HMX1: variants seen among roughly 807,000 people sequenced by gnomAD.
HMX1 encodes H6 family homeobox 1, also known as homeobox protein HMX1.
Under a neutral mutation model 8.9 loss-of-function variants are expected in HMX1, and 8 were observed. The ratio of observed to expected loss-of-function variants is 0.90; its 90% confidence interval spans 0.53 to 1.63. The LOEUF is 1.63. HMX1 is among the 40% of genes most tolerant of loss of function. The pLI, the probability that HMX1 is intolerant of heterozygous loss-of-function variation, is 0.00. For missense variants in HMX1, 621 were observed against 558.5 expected, an observed-to-expected ratio of 1.11 and a Z score of -1.13; for synonymous variants, 311 against 283.4, an observed-to-expected ratio of 1.10 and a Z score of -0.98.
chr4:8,850,554 G>C (rs1000308784), intron 1 of HMX1, among the ~76,000 whole-genome samples: 2 of 152,118 alleles, frequency 1.3e-5, no homozygotes, highest in Non-Finnish European at 2.9e-5. Flanking sequence ...TGGACTCCAG[G>C]CCTCTCAGGC....
rs1721298582 is a variant in HMX1, at chr4:8,847,067, C to T, written c.395-743G>A. ...AAAGTGCCAGGCCCAGGGCTGCTGA[C>T]ACAGTGGCAAAGTGGGAATTCCCTG... is the stretch of plus-strand genomic sequence containing the variant. On this transcript the variant is annotated intron_variant, in intron 1 of 1. Coordinates refer to the HMX1 transcript ENST00000506970. The surrounding 1 kb of genome is among the most constrained non-coding windows in gnomAD (Gnocchi z 6.0). 6.6e-6 allele frequency among the ~76,000 whole-genome samples: 1 copy of T among 152,162 alleles called. No homozygotes were observed. Among genetic ancestry groups the T allele is most frequent in the African/African-American group, 2.4e-5 (1 of 41,426 alleles).
At chr4:8,846,965 C>G (rs1721295954) in intron 1 of HMX1, among the ~76,000 whole-genome samples, 1 of 152,180 alleles carries the variant, frequency 6.6e-6, no homozygotes, top group Non-Finnish European at 1.5e-5. Flanking sequence ...CCCCTGAGGG[C>G]AGGGTGCCAG....
chr4:8,862,590 C>G (rs561979331), downstream of HMX1, among the ~76,000 whole-genome samples: 45 of 152,284 alleles, frequency 3.0e-4, 1 homozygote, highest in South Asian at 8.7e-3. Context: ...TGCATTTTCA[C>G]TGATAATAAC....
rs767020203 is a variant in HMX1 at position 8,853,707 on chromosome 4, C to T, written c.395-7383G>A. 2.0e-5 allele frequency among the ~76,000 whole-genome samples: 3 copies of T among 152,034 alleles called. No individual in the cohort carries two copies. The highest frequency in any genetic ancestry group is 2.9e-5 in the Non-Finnish European group (2 of 68,024). On this transcript the variant is annotated intron_variant, in intron 1 of 1. Transcript: ENST00000506970. This position sits in a 1 kb window ranked among gnomAD's most constrained non-coding sequence, Gnocchi z 4.7. ...TCTCTACTAAAAATACAGAAATTAG[C>T]TGGGTGTGGTGGTGGGCCCCTGTAA...
chr4:8,867,078 C>T lies in HMX1; in HGVS notation c.*615G>A, dbSNP rs1041740956. 35 of 985,286 alleles carry T rather than the reference C, an allele frequency of 3.6e-5. No individual in the cohort carries two copies. The highest frequency in any genetic ancestry group is 2.3e-4 in the East Asian group (2 of 8,812). 61.0% of individuals were successfully genotyped at this position (985,286 alleles called of 1,614,324 possible). ...AAAATGTCCCTTTTTATTCCATACG[C>T]AAATAAGTAGATTCATTTAAAAAAA... On this transcript the variant is annotated 3_prime_UTR_variant, in exon 2 of 2. Transcript: ENST00000400677.
rs151101925 is a variant in HMX1, at chr4:8,868,638, A to C, written c.395-293T>G. Among the ~76,000 whole-genome samples, 923 of 152,274 alleles carry C rather than the reference A, an allele frequency of 6.1e-3. 6 individuals carry two copies. The highest frequency in any genetic ancestry group is 0.015 in the South Asian group (71 of 4,818). ...GAGGACAACAAAGGGATGCAGAGCA[A>C]AGAAAAGAAACAAAAATACTACACA... On this transcript the variant is annotated intron_variant, in intron 1 of 1. Coordinates refer to ENST00000400677, the MANE Select transcript of HMX1 (RefSeq NM_018942.3). This position sits in a 1 kb window ranked among gnomAD's most constrained non-coding sequence, Gnocchi z 4.6.
chr4:8,871,679 G>C lies in HMX1; in HGVS notation c.-65C>G. On this transcript the variant is annotated 5_prime_UTR_variant, in exon 1 of 2. Transcript: ENST00000400677. This position sits in a 1 kb window ranked among gnomAD's most constrained non-coding sequence, Gnocchi z 4.8. ...TCCCCGCTGGGGATGGTGGCGCGCG[G>C]CTCCCGGGCGCACGCGCGGGCCGGC... 1 of 1,142,400 alleles carries C rather than the reference G, an allele frequency of 8.8e-7. No individual in the cohort carries two copies. The highest frequency in any genetic ancestry group is 1.1e-6 in the Non-Finnish European group (1 of 931,158). The allele number at this position is 1,142,400 out of a possible 1,614,324, so 70.8% of individuals were successfully genotyped here.
At position 8,867,461 on chromosome 4, in the gene HMX1, T is replaced by G; in HGVS notation, c.*232A>C. ...AGCCCAGAGTCTCTGCATGGCCCCC[T>G]GTTCGAGTGGGGATCCAGCCTGGCA... On this transcript the variant is annotated 3_prime_UTR_variant, in exon 2 of 2. Coordinates refer to ENST00000400677, the MANE Select transcript of HMX1 (RefSeq NM_018942.3). The G allele has an allele frequency of 4.6e-6, 5 of 1,094,386 alleles. No homozygotes were observed. The highest frequency in any genetic ancestry group is 5.3e-5 in the East Asian group (1 of 18,906). 67.8% of individuals were successfully genotyped at this position (1,094,386 alleles called of 1,614,324 possible).
At chr4:8,860,432 G>C (rs970708762) in intron 1 of HMX1, among the ~76,000 whole-genome samples, 5 of 152,246 alleles carry the variant, frequency 3.3e-5, no homozygotes, top group African/African-American at 9.6e-5. Context: ...CCCCCGCTAC[G>C]ATGACCACTC....
chr4:8,848,747 C>T lies in HMX1; in HGVS notation c.395-2423G>A, dbSNP rs1317122361. Among the ~76,000 whole-genome samples, 2 of 152,202 alleles carry T rather than the reference C, an allele frequency of 1.3e-5. No homozygotes were observed. The highest frequency in any genetic ancestry group is 4.8e-5 in the African/African-American group (2 of 41,450). On this transcript the variant is annotated intron_variant, in intron 1 of 1. Transcript: ENST00000506970. The surrounding 1 kb of genome is among the most constrained non-coding windows in gnomAD (Gnocchi z 4.1). ...GATGCCAACATGCCTGACACCCAAC[C>T]TGGGTCAGAAGATTACCCCAGGGCA...
In HMX1 at chr4:8,868,358, G is replaced by A. The variant is rs929409219; in HGVS notation, c.395-13C>T. 1.2e-5 allele frequency: 17 copies of A among 1,361,384 alleles called. No homozygotes were observed. Among genetic ancestry groups the A allele is most frequent in the Non-Finnish European group, 1.6e-5 (17 of 1,064,874 alleles). The allele number at this position is 1,361,384 out of a possible 1,614,324, so 84.3% of individuals were successfully genotyped here. A position where few individuals can be genotyped will look rare whatever the true frequency, so the allele number is the denominator to read the frequency against. On this transcript the variant is annotated splice_polypyrimidine_tract_variant and intron_variant, in intron 1 of 1. Coordinates refer to ENST00000400677, the MANE Select transcript of HMX1 (RefSeq NM_018942.3). This position sits in a 1 kb window ranked among gnomAD's most constrained non-coding sequence, Gnocchi z 4.6. ...TCCCGGTCGCTGGCTGCAGGGGAGA[G>A]AGGGCACCACCGTTGGTTCTAGGGC... is the stretch of plus-strand genomic sequence containing the variant.
rs1167613350 is a variant in HMX1 at position 8,868,990 on chromosome 4, C to T, written c.395-645G>A. The stretch of plus-strand genomic sequence containing the variant: ...CTCCCATCAGGTGAGGCTGTCACCC[C>T]CACACCACATACTCCTGTAGCCCTG... On this transcript the variant is annotated intron_variant, in intron 1 of 1. Coordinates refer to ENST00000400677, the MANE Select transcript of HMX1 (RefSeq NM_018942.3). The surrounding 1 kb of genome is among the most constrained non-coding windows in gnomAD (Gnocchi z 4.6). 6.6e-6 allele frequency among the ~76,000 whole-genome samples: 1 copy of T among 152,194 alleles called. No homozygotes were observed. The highest frequency in any genetic ancestry group is 1.5e-5 in the Non-Finnish European group (1 of 68,042).
chr4:8,869,285 GC>G (rs1722132709), intron 1 of HMX1, among the ~76,000 whole-genome samples: 1 of 152,250 alleles, frequency 6.6e-6, no homozygotes, highest in Non-Finnish European at 1.5e-5. Flanking sequence ...AAAGAGGCCA[GC>G]CGGGACCCAG....
intron 1 of HMX1, among the ~76,000 whole-genome samples, chr4:8,852,448 C>A (rs1428052737): frequency 6.6e-6 from 1 of 152,232 alleles, no homozygotes; most frequent in Non-Finnish European, 1.5e-5. Flanking sequence ...CAAAGCCACA[C>A]AGCCAGGAAA....
At chr4:8,865,314 C>G (rs755469971), downstream of HMX1, among the ~76,000 whole-genome samples, 9 of 152,232 alleles carry the variant, frequency 5.9e-5, no homozygotes, top group Non-Finnish European at 1.2e-4. Context: ...TTCAATGACC[C>G]CCTTCTAATA....
Position 8,867,711 on chromosome 4 carries a change from C to G in HMX1, c.1029G>C (p.Gln343His). The G allele has an allele frequency of 3.1e-6, 4 of 1,276,786 alleles. No homozygotes were observed. Among genetic ancestry groups the G allele is most frequent in the Non-Finnish European group, 3.9e-6 (4 of 1,015,598 alleles). The allele number at this position is 1,276,786 out of a possible 1,614,324, so 79.1% of individuals were successfully genotyped here. A position where few individuals can be genotyped will look rare whatever the true frequency, so the allele number is the denominator to read the frequency against. ...GCGGGGCTCACACCAGGCCAGGCATCTGCGCCCGCAGAAAGGGCACGGAGG... is the reference window on the plus strand; with the variant it reads ...GCGGGGCTCACACCAGGCCAGGCATGTGCGCCCGCAGAAAGGGCACGGAGG... ...AAASVPFLRA[Q>H]MPGLV is the part of the protein sequence containing the mutation. The change falls in exon 2 of 2, where the codon CAG becomes CAC. Residue 343 changes from glutamine to histidine, a missense_variant. By Grantham distance (24) the Gln-to-His change is conservative (BLOSUM62 0). Coordinates refer to ENST00000400677, the MANE Select transcript of HMX1 (RefSeq NM_018942.3).
Position 8,848,616 on chromosome 4 carries a change from G to A in HMX1, c.395-2292C>T, listed in dbSNP as rs141602929. Among the ~76,000 whole-genome samples the A allele has an allele frequency of 6.3e-4, 96 of 152,304 alleles. 1 individual carries two copies. In the East Asian group the frequency reaches 0.018, roughly 28 times the overall value. On this transcript the variant is annotated intron_variant, in intron 1 of 1. Transcript: ENST00000506970. The surrounding 1 kb of genome is among the most constrained non-coding windows in gnomAD (Gnocchi z 4.1). ...CTTGGCACTTGCTCCAGGCATGCTT[G>A]GAGGTGCCGGCTGCTGTAGACCAAC...
At chr4:8,852,051 A>G (rs1721465206) in intron 1 of HMX1, among the ~76,000 whole-genome samples, 2 of 152,226 alleles carry the variant, frequency 1.3e-5, no homozygotes, top group African/African-American at 4.8e-5. Flanking sequence ...TGGGAGTGCA[A>G]TCCAGGGTCT....
At position 8,847,159 on chromosome 4, in the gene HMX1, C is replaced by T. The variant is rs1042330964; in HGVS notation, c.395-835G>A. On this transcript the variant is annotated intron_variant, in intron 1 of 1. Coordinates refer to the HMX1 transcript ENST00000506970. The surrounding 1 kb of genome is among the most constrained non-coding windows in gnomAD (Gnocchi z 6.0). The stretch of plus-strand genomic sequence containing the variant: ...AAATAAAAGTACAAAGCCATTGAGC[C>T]GGGCGTGGTGAGGGATGCCTGTAAT... 4.6e-5 allele frequency among the ~76,000 whole-genome samples: 7 copies of T among 152,102 alleles called. No homozygotes were observed. The highest frequency in any genetic ancestry group is 1.9e-4 in the East Asian group (1 of 5,192).
Sources: gnomAD v4.1 joint callset for allele counts (sites outside exome capture counted in the v4.1 genomes callset) on GRCh38, gnomAD v4.1.1 for gene constraint, Gnocchi (gnomAD v3.1) non-coding constraint, MANE v1.5 for transcripts, NCBI Gene and HGNC (gene_info 2026-07-23, HGNC 2026-07-21) for gene names.